ZNF521: variants seen among roughly 807,000 people sequenced by gnomAD.
The protein encoded by ZNF521 is zinc finger protein 521.
A neutral mutation model predicts 105.5 loss-of-function variants in ZNF521; 14 were observed. The ratio of observed to expected loss-of-function variants is 0.13; its 90% CI spans 0.09 to 0.21. The LOEUF (loss-of-function observed/expected upper bound fraction) is 0.21, where lower values mean the gene tolerates loss of function less well. Ranked by LOEUF, ZNF521 falls within the 10% of genes least tolerant of loss-of-function variation. The pLI is 1.00. For missense variants in ZNF521, 1,233 were observed against 1,629.7 expected, an observed-to-expected ratio of 0.76 and a Z score of 4.19; for synonymous variants, 635 against 606.0, an observed-to-expected ratio of 1.05 and a Z score of -0.70.
intron 1 of ZNF521, 107 bp downstream of exon 1, chr18:25,351,892 AGCGGCG>A (rs1190511888): frequency 3.6e-6 from 1 of 275,490 alleles, no homozygotes; most frequent in African/African-American, 2.4e-5. Context: ...CGGCGGCAGC[AGCGGCG>A]GCAGCGGCGG....
At chr18:25,297,333 A>T (rs1341964390) in intron 3 of ZNF521, among the ~76,000 whole-genome samples, 1 of 152,184 alleles carries the variant, frequency 6.6e-6, no homozygotes, top group East Asian at 1.9e-4. Flanking sequence ...ATGTTCTAGT[A>T]AGTATGTGCT....
At chr18:25,336,494 C>CAA (rs1568085715) in intron 2 of ZNF521, among the ~76,000 whole-genome samples, 1 of 152,026 alleles carries the variant, frequency 6.6e-6, no homozygotes, top group Non-Finnish European at 1.5e-5. Context: ...TCCGACTTAC[C>CAA]AAAAAAAGAT....
chr18:25,062,804 A>C (rs2032942367), intron 7 of ZNF521, 63 bp from the exon 8 acceptor site: 48 of 1,388,872 alleles, frequency 3.5e-5, no homozygotes, highest in South Asian at 3.3e-4. Flanking sequence ...AGGGAAAACA[A>C]ACTTCAGTGA....
chr18:25,213,313 T>A (rs549508678), intron 4 of ZNF521, among the ~76,000 whole-genome samples: 1 of 151,056 alleles, frequency 6.6e-6, no homozygotes, highest in Admixed American at 6.6e-5. Flanking sequence ...TTTATTAGGG[T>A]AAGGGAATTC....
At chr18:25,188,586 T>C (rs1221144885) in intron 5 of ZNF521, among the ~76,000 whole-genome samples, 1 of 152,196 alleles carries the variant, frequency 6.6e-6, no homozygotes, top group African/African-American at 2.4e-5. Flanking sequence ...CAGAAACAGA[T>C]ACCCACATCT....
At chr18:25,297,775 T>C (rs1911408209) in intron 3 of ZNF521, among the ~76,000 whole-genome samples, 1 of 152,162 alleles carries the variant, frequency 6.6e-6, no homozygotes, top group Non-Finnish European at 1.5e-5. Flanking sequence ...AACTCTGTTT[T>C]TAAGGCATTC....
intron 5 of ZNF521, among the ~76,000 whole-genome samples, chr18:25,124,724 CTATT>C (rs1172029482): frequency 1.3e-5 from 2 of 152,190 alleles, no homozygotes; most frequent in Non-Finnish European, 1.5e-5. Context: ...AAAATTCTAT[CTATT>C]TAAGTTACAT....
intron 3 of ZNF521, among the ~76,000 whole-genome samples, chr18:25,316,492 C>T (rs1462491882): frequency 2.6e-5 from 4 of 152,020 alleles, no homozygotes; most frequent in African/African-American, 7.2e-5. Flanking sequence ...GAAGCCAACA[C>T]TGGAACTGTC....
At chr18:25,156,532 A>C (rs2035148570) in intron 5 of ZNF521, among the ~76,000 whole-genome samples, 1 of 152,244 alleles carries the variant, frequency 6.6e-6, no homozygotes, top group Non-Finnish European at 1.5e-5. Context: ...GCAAAGTAGA[A>C]AGACTGGACC....
chr18:25,226,396 T>C lies in ZNF521; in HGVS notation c.1522A>G (p.Lys508Glu), dbSNP rs1906131942. ...GGACAAAAGAATGCATTACTATCTT[T>C]AGCTGCAGGGTTTGCAAATCCATGA... Reference protein sequence around the residue: ...CSHGFANPAAKDSNAFFCPHC... With the variant: ...CSHGFANPAAEDSNAFFCPHC... The change falls in exon 4 of 8, where the codon AAA becomes GAA. Residue 508 changes from lysine (K) to glutamate (E), a missense_variant. Around this residue, in one of 6 missense-constraint regions of ZNF521, gnomAD observed 380 missense variants for 478.0 expected, o/e 0.80. Coordinates refer to ENST00000361524, the MANE Select transcript of ZNF521 (RefSeq NM_015461.3). This position sits in a 1 kb window ranked among gnomAD's most constrained non-coding sequence, Gnocchi z 4.1. 1.9e-6 allele frequency: 3 copies of C among 1,614,132 alleles called. No homozygotes were observed. The highest frequency in any genetic ancestry group is 2.5e-6 in the Non-Finnish European group (3 of 1,180,006).
intron 3 of ZNF521, among the ~76,000 whole-genome samples, chr18:25,311,874 T>A (rs941863667): frequency 1.3e-5 from 2 of 152,016 alleles, no homozygotes; most frequent in Non-Finnish European, 2.9e-5. Flanking sequence ...TTCTATTCAT[T>A]TCAAAAGACT....
intron 3 of ZNF521, among the ~76,000 whole-genome samples, chr18:25,316,847 CTTTT>C (rs200212987): frequency 2.8e-4 from 35 of 127,024 alleles, no homozygotes; most frequent in South Asian, 9.5e-4. Context: ...GCAAGTAAGA[CTTTT>C]TTTTTTTTTT....
At chr18:25,189,386 T>C (rs945884345) in intron 5 of ZNF521, among the ~76,000 whole-genome samples, 1 of 152,232 alleles carries the variant, frequency 6.6e-6, no homozygotes, top group Non-Finnish European at 1.5e-5. Flanking sequence ...ATTGGTACCA[T>C]GAATTCTGTT....
At chr18:25,139,452 GA>G (rs1157214379) in intron 5 of ZNF521, among the ~76,000 whole-genome samples, 1 of 148,828 alleles carries the variant, frequency 6.7e-6, no homozygotes, top group Non-Finnish European at 1.5e-5. Flanking sequence ...GACCATACAG[GA>G]AAAGTCAGTG....
At chr18:25,076,149 A>C (rs1255131653) in intron 7 of ZNF521, among the ~76,000 whole-genome samples, 2 of 152,242 alleles carry the variant, frequency 1.3e-5, no homozygotes, top group Non-Finnish European at 2.9e-5. Flanking sequence ...ATCTGTGCTA[A>C]GATTTTGCTT....
intron 4 of ZNF521, among the ~76,000 whole-genome samples, chr18:25,212,672 C>CTATA (rs1261964866): frequency 6.7e-6 from 1 of 149,236 alleles, no homozygotes; most frequent in African/African-American, 2.5e-5. Flanking sequence ...TTGAGTCTTC[C>CTATA]TATAACTTCC....
chr18:25,175,173 T>C (rs1308180891), intron 5 of ZNF521, among the ~76,000 whole-genome samples: 3 of 152,126 alleles, frequency 2.0e-5, no homozygotes, highest in Non-Finnish European at 4.4e-5. Context: ...ATTCAAAAAC[T>C]AAGAAGTCAT....
At chr18:25,262,957 A>G (rs1399503230) in intron 3 of ZNF521, among the ~76,000 whole-genome samples, 1 of 152,194 alleles carries the variant, frequency 6.6e-6, no homozygotes, top group African/African-American at 2.4e-5. Flanking sequence ...CAACTTAGAT[A>G]CCACTGGTGA....
At chr18:25,117,082 C>CAT (rs1491026386) in intron 5 of ZNF521, among the ~76,000 whole-genome samples, 867 of 81,246 alleles carry the variant, frequency 0.011, 9 homozygotes, top group Admixed American at 0.016. Flanking sequence ...CACACACACA[C>CAT]ATACACACAT....
Sources: gnomAD v4.1 joint callset for allele counts (sites outside exome capture counted in the v4.1 genomes callset) on GRCh38, gnomAD v4.1.1 for gene constraint, gnomAD v4.1.1 regional missense constraint, Gnocchi (gnomAD v3.1) non-coding constraint, MANE v1.5 for transcripts, NCBI Gene and HGNC (gene_info 2026-07-23, HGNC 2026-07-21) for gene names.